The following PPP2R2B variants were observed in gnomAD, a reference collection of about 807,000 sequenced individuals.
PPP2R2B encodes the protein protein phosphatase 2 regulatory subunit Bbeta, also known as serine/threonine-protein phosphatase 2A 55 kDa regulatory subunit B beta isoform.
In PPP2R2B, 5 loss-of-function variants were observed where a neutral mutation model predicts 46.0. The observed-to-expected ratio is 0.11, with a 90% CI of 0.06 to 0.23. The LOEUF (loss-of-function observed/expected upper bound fraction) is 0.23. PPP2R2B is among the 10% of genes least tolerant of loss of function. PPP2R2B has a pLI of 1.00. For missense variants in PPP2R2B, 367 were observed against 575.0 expected (o/e 0.64, Z 3.70); for synonymous variants, 215 against 206.7 (o/e 1.04, Z -0.34).
chr5:146,808,698 G>A (rs1025375986), intron 2 of PPP2R2B, among the ~76,000 whole-genome samples: 3 of 112,124 alleles, frequency 2.7e-5, no homozygotes, highest in African/African-American at 1.1e-4. Context: ...ATTTCTATCA[G>A]GGGAAAGAAA....
chr5:146,938,052 G>C (rs532522357), intron 1 of PPP2R2B, among the ~76,000 whole-genome samples: 34 of 152,176 alleles, frequency 2.2e-4, no homozygotes, highest in Non-Finnish European at 4.4e-5. Context: ...GAAGCTTGTG[G>C]GTGGAAAGGA....
chr5:146,747,434 C>T (rs1323218234), intron 2 of PPP2R2B, among the ~76,000 whole-genome samples: 1 of 152,182 alleles, frequency 6.6e-6, no homozygotes, highest in East Asian at 1.9e-4. Context: ...CACAGGGATG[C>T]TGCAGGATAT....
At chr5:146,920,550 C>T (rs1257340305) in intron 1 of PPP2R2B, among the ~76,000 whole-genome samples, 1 of 152,184 alleles carries the variant, frequency 6.6e-6, no homozygotes, top group Non-Finnish European at 1.5e-5. Context: ...TGCTTTCCGA[C>T]TGAGTTAACC....
chr5:146,744,395 A>T (rs770968208), intron 2 of PPP2R2B, among the ~76,000 whole-genome samples: 1 of 152,214 alleles, frequency 6.6e-6, no homozygotes, highest in Admixed American at 6.5e-5. Context: ...GATGAAAGGA[A>T]CTTGGCCCTT....
intron 5 of PPP2R2B, among the ~76,000 whole-genome samples, chr5:146,659,001 GAA>G (rs1349130289): frequency 6.6e-6 from 1 of 151,578 alleles, no homozygotes; most frequent in Non-Finnish European, 1.5e-5. Context: ...ATTCATAAAA[GAA>G]AAAGTCTATT....
At chr5:146,844,225 G>A in intron 2 of PPP2R2B, among the ~76,000 whole-genome samples, 2 of 100,484 alleles carry the variant, frequency 2.0e-5, no homozygotes, top group Admixed American at 1.3e-4. Context: ...AGGGGGGCGG[G>A]ATAGCATTGG....
chr5:146,962,891 G>C (rs1032900467), intron 1 of PPP2R2B, among the ~76,000 whole-genome samples: 1 of 152,102 alleles, frequency 6.6e-6, no homozygotes, highest in Non-Finnish European at 1.5e-5. Flanking sequence ...CACCATGCCT[G>C]CTACCTCTTG....
At chr5:146,716,777 T>G (rs1384092416) in intron 2 of PPP2R2B, among the ~76,000 whole-genome samples, 3 of 152,166 alleles carry the variant, frequency 2.0e-5, no homozygotes, top group Non-Finnish European at 4.4e-5. Flanking sequence ...TAAGGACAGT[T>G]TACATTTAAA....
intron 1 of PPP2R2B, among the ~76,000 whole-genome samples, chr5:146,897,655 T>C (rs1316429706): frequency 6.6e-6 from 1 of 151,892 alleles, no homozygotes; most frequent in Non-Finnish European, 1.5e-5. Context: ...GATAAACAAA[T>C]ATAAAAACAT....
intron 1 of PPP2R2B, among the ~76,000 whole-genome samples, chr5:147,015,550 C>T (rs1754966812): frequency 6.6e-6 from 1 of 151,550 alleles, no homozygotes; most frequent in African/African-American, 2.4e-5. Flanking sequence ...ATTCCTCCAG[C>T]AGGAAACCAT....
At position 146,589,328 on chromosome 5, in the gene PPP2R2B, A is replaced by AGGCTGTTTCTATG. The variant is rs1770364051; in HGVS notation, c.*618_*619insCATAGAAACAGCC. 6.6e-6 allele frequency: 1 copy of AGGCTGTTTCTATG among 152,584 alleles called. No homozygotes were observed. The highest frequency in any genetic ancestry group is 1.9e-4 in the East Asian group (1 of 5,202). The allele number at this position is 152,584 out of a possible 1,614,324, so 9.5% of individuals were successfully genotyped here. A position where few individuals can be genotyped will look rare whatever the true frequency, so the allele number is the denominator to read the frequency against. On this transcript the variant is annotated 3_prime_UTR_variant, in exon 10 of 10. Transcript: ENST00000394411. The stretch of plus-strand genomic sequence containing the variant: ...CTGTTTCTATGGAGCTTACAAAAAA[A>AGGCTGTTTCTATG]GAGCATAGCAGGGTTGATGTGCCCT...
At chr5:146,730,803 G>A (rs982760464) in intron 2 of PPP2R2B, among the ~76,000 whole-genome samples, 2 of 152,146 alleles carry the variant, frequency 1.3e-5, no homozygotes, top group African/African-American at 4.8e-5. Context: ...TCTTGGGTAT[G>A]TCTTCATCAT....
intron 6 of PPP2R2B, among the ~76,000 whole-genome samples, chr5:146,641,530 G>T (rs548368797): frequency 6.2e-3 from 450 of 72,484 alleles, no homozygotes; most frequent in Middle Eastern, 0.021. Context: ...TTTTTTTTTT[G>T]AAGCAGAATT....
intron 1 of PPP2R2B, among the ~76,000 whole-genome samples, chr5:146,958,658 T>C (rs752636075): frequency 6.6e-6 from 1 of 152,206 alleles, no homozygotes; most frequent in African/African-American, 2.4e-5. Flanking sequence ...TAACTTATCC[T>C]GAATTACGTA....
At chr5:146,848,285 A>G (rs1388139609) in intron 2 of PPP2R2B, among the ~76,000 whole-genome samples, 2 of 152,202 alleles carry the variant, frequency 1.3e-5, no homozygotes, top group East Asian at 3.8e-4. Flanking sequence ...GTACGTTTTT[A>G]TAAGTAATGA....
At chr5:146,607,354 A>G (rs1408396512) in intron 7 of PPP2R2B, 1 of 152,118 alleles carries the variant, frequency 6.6e-6, no homozygotes, top group Non-Finnish European at 1.5e-5. Flanking sequence ...CAGATTGGAG[A>G]CTGCAAATTT....
At chr5:146,737,752 G>A (rs1408755922) in intron 2 of PPP2R2B, among the ~76,000 whole-genome samples, 6 of 152,048 alleles carry the variant, frequency 3.9e-5, no homozygotes, top group Non-Finnish European at 5.9e-5. Context: ...TGGGTGTCAC[G>A]GTCTTCTTTG....
chr5:146,642,717 G>C (rs958763207), intron 6 of PPP2R2B, among the ~76,000 whole-genome samples: 6 of 152,158 alleles, frequency 3.9e-5, no homozygotes, highest in African/African-American at 7.2e-5. Context: ...TCAATGATCA[G>C]CACAATTTCC....
Position 147,022,548 on chromosome 5 carries a change from G to A in PPP2R2B, c.79+33117C>T, listed in dbSNP as rs1302566004. Among the ~76,000 whole-genome samples, 6 of 128,326 alleles carry A rather than the reference G, an allele frequency of 4.7e-5. No individual in the cohort carries two copies. The South Asian group carries it at 1.3e-3, about 28-fold the overall frequency. The allele number at this position is 128,326 out of a possible 152,430, so 84.2% of individuals were successfully genotyped here. A position where few individuals can be genotyped will look rare whatever the true frequency, so the allele number is the denominator to read the frequency against. ...GCACTCCAGCCTGGTGACAGAGCAA[G>A]GCTCCATCCAAAAAAAAAAATCCAA... On this transcript the variant is annotated intron_variant, in intron 1 of 8. Transcript: ENST00000336640.
Sources: allele counts gnomAD v4.1 joint callset (sites outside exome capture counted in the v4.1 genomes callset), GRCh38; gene constraint gnomAD v4.1.1; transcripts MANE v1.5; gene names NCBI Gene and HGNC (gene_info 2026-07-23, HGNC 2026-07-21).